The following LRMDA variants were observed in gnomAD, a reference collection of about 807,000 sequenced individuals.
LRMDA encodes the protein leucine rich melanocyte differentiation associated, also known as leucine-rich melanocyte differentiation-associated protein.
Under a neutral mutation model 29.8 loss-of-function variants are expected in LRMDA, and 18 were observed. The observed-to-expected ratio is 0.60, with a 90% CI of 0.42 to 0.90. LRMDA has a LOEUF of 0.90. Among genes scored for constraint, LRMDA ranks in the 40% least tolerant of loss-of-function variants. The probability of loss-of-function intolerance (pLI) is 0.00; values close to 1 mark genes in which losing one functional copy is unlikely to be tolerated. For synonymous variants in LRMDA, 125 were observed against 109.4 expected (o/e 1.14, Z -0.89); for missense variants, 273 against 273.9 (o/e 1.00, Z 0.02).
Position 75,845,833 on chromosome 10 carries a change from A to G in LRMDA, c.132-190175A>G, listed in dbSNP as rs576969952. Among the ~76,000 whole-genome samples, 31 of 152,334 alleles carry G rather than the reference A, an allele frequency of 2.0e-4. No individual in the cohort carries two copies. In the South Asian group the frequency reaches 6.4e-3, roughly 32 times the overall value. On this transcript the variant is annotated intron_variant, in intron 2 of 6. Transcript: ENST00000611255. ...TCTGCGTTGCATCCTTTAATAAAAG[A>G]ACCACATGGGGGCAGAGAGAGAAGA...
chr10:76,232,964 T>C (rs753675606), intron 5 of LRMDA, among the ~76,000 whole-genome samples: 1 of 152,114 alleles, frequency 6.6e-6, no homozygotes, highest in Non-Finnish European at 1.5e-5. Flanking sequence ...AGAAAACCAA[T>C]TACGAAAGGG....
At chr10:76,132,076 T>C (rs1459677604) in intron 5 of LRMDA, among the ~76,000 whole-genome samples, 1 of 152,218 alleles carries the variant, frequency 6.6e-6, no homozygotes, top group Non-Finnish European at 1.5e-5. Context: ...TTTCACTTAG[T>C]AAGTCTTCCA....
intron 2 of LRMDA, among the ~76,000 whole-genome samples, chr10:75,552,850 T>G (rs912445575): frequency 6.6e-6 from 1 of 152,142 alleles, no homozygotes; most frequent in Non-Finnish European, 1.5e-5. Context: ...ATAAACCTTA[T>G]GATGAAATTC....
chr10:76,091,595 G>A (rs1183140099), intron 5 of LRMDA, among the ~76,000 whole-genome samples: 1 of 152,048 alleles, frequency 6.6e-6, no homozygotes, highest in South Asian at 2.1e-4. Context: ...ACTTGGGGGT[G>A]CTCAGTCTTT....
chr10:75,769,271 T>G (rs1263707245), intron 2 of LRMDA, among the ~76,000 whole-genome samples: 1 of 152,226 alleles, frequency 6.6e-6, no homozygotes, highest in Non-Finnish European at 1.5e-5. Flanking sequence ...TCACTTGGGT[T>G]GCCACAAGAA....
At chr10:75,818,689 C>T (rs771062560) in intron 2 of LRMDA, among the ~76,000 whole-genome samples, 8 of 152,284 alleles carry the variant, frequency 5.3e-5, no homozygotes, top group Non-Finnish European at 1.0e-4. Flanking sequence ...CTTTCCAAAC[C>T]GGATCACTGG....
intron 2 of LRMDA, among the ~76,000 whole-genome samples, chr10:75,841,806 G>A (rs1178249606): frequency 1.3e-5 from 2 of 152,182 alleles, no homozygotes; most frequent in Non-Finnish European, 2.9e-5. Context: ...GTGAGTGAGT[G>A]CTTGCTCCAG....
intron 5 of LRMDA, among the ~76,000 whole-genome samples, chr10:76,209,766 A>G (rs1851603233): frequency 6.6e-6 from 1 of 152,162 alleles, no homozygotes; most frequent in African/African-American, 2.4e-5. Flanking sequence ...ACAATCCTGT[A>G]TGAACATCCA....
At chr10:75,851,441 A>G (rs1844731641) in intron 2 of LRMDA, among the ~76,000 whole-genome samples, 1 of 152,020 alleles carries the variant, frequency 6.6e-6, no homozygotes, top group East Asian at 1.9e-4. Context: ...CTCAAAACTC[A>G]TCAACTTGCA....
intron 2 of LRMDA, among the ~76,000 whole-genome samples, chr10:75,596,214 G>A (rs904854092): frequency 6.6e-6 from 1 of 152,216 alleles, no homozygotes; most frequent in African/African-American, 2.4e-5. Context: ...GAAGCAGAGA[G>A]TATAAATATC....
Position 75,672,520 on chromosome 10 carries a change from CTTTT to C in LRMDA, c.131+234027_131+234030del, listed in dbSNP as rs1358310344. ...AGACACTTCCTTGTATTTTTCTTTT[CTTTT>C]CCTCCCCTCCCCTCCCCTCCCCTCC... On this transcript the variant is annotated intron_variant, in intron 2 of 6. Transcript: ENST00000611255. 4.7e-3 allele frequency among the ~76,000 whole-genome samples: 123 copies of C among 26,396 alleles called. 15 individuals are homozygous for C. The highest frequency in any genetic ancestry group is 0.025 in the East Asian group (7 of 280). The allele number at this position is 26,396 out of a possible 152,430, so 17.3% of individuals were successfully genotyped here.
At chr10:76,102,146 A>G (rs956567661) in intron 5 of LRMDA, among the ~76,000 whole-genome samples, 1 of 152,186 alleles carries the variant, frequency 6.6e-6, no homozygotes, top group Non-Finnish European at 1.5e-5. Flanking sequence ...TTGTATGGCT[A>G]TATCACATTT....
chr10:76,165,058 T>C (rs12240396), intron 5 of LRMDA, among the ~76,000 whole-genome samples: 28,970 of 152,160 alleles, frequency 0.19, 3,203 homozygotes, highest in East Asian at 0.52. Flanking sequence ...CTGCAAACTC[T>C]GCCTCCCAGG....
intron 6 of LRMDA, among the ~76,000 whole-genome samples, chr10:76,409,028 C>G (rs1423878224): frequency 6.6e-6 from 1 of 152,188 alleles, no homozygotes; most frequent in Non-Finnish European, 1.5e-5. Context: ...CCTCTCATTA[C>G]TACCATCTGG....
chr10:75,909,054 G>T (rs1003065378), intron 2 of LRMDA, among the ~76,000 whole-genome samples: 1 of 151,982 alleles, frequency 6.6e-6, no homozygotes, highest in Non-Finnish European at 1.5e-5. Flanking sequence ...TAAATATTTT[G>T]CTCTGGGCCA....
At chr10:75,772,865 G>A (rs1203130005) in intron 2 of LRMDA, among the ~76,000 whole-genome samples, 1 of 92,842 alleles carries the variant, frequency 1.1e-5, no homozygotes, top group Non-Finnish European at 2.4e-5. Flanking sequence ...TGGGGGGGGT[G>A]GGATGGGGGG....
intron 5 of LRMDA, among the ~76,000 whole-genome samples, chr10:76,105,266 A>G (rs1849461757): frequency 1.3e-5 from 2 of 152,128 alleles, no homozygotes; most frequent in South Asian, 4.2e-4. Context: ...AAACTCCAAA[A>G]GGCAGGATTT....
intron 5 of LRMDA, chr10:76,242,140 A>G (rs1852288503): frequency 6.6e-6 from 1 of 152,032 alleles, no homozygotes; most frequent in Admixed American, 6.6e-5. Flanking sequence ...GGGCTGGATC[A>G]CTCCTCCTTA....
chr10:76,422,002 G>T (rs182823022), intron 6 of LRMDA, among the ~76,000 whole-genome samples: 3 of 152,152 alleles, frequency 2.0e-5, no homozygotes, highest in Non-Finnish European at 2.9e-5. Flanking sequence ...TTTATTCCAT[G>T]GGAAACTGGG....
Sources: allele counts gnomAD v4.1 joint callset (sites outside exome capture counted in the v4.1 genomes callset), GRCh38; gene constraint gnomAD v4.1.1; transcripts MANE v1.5; gene names NCBI Gene and HGNC (gene_info 2026-07-23, HGNC 2026-07-21).